HUS1: variants seen among roughly 807,000 people sequenced by gnomAD.
HUS1 encodes the protein HUS1 checkpoint clamp component, also known as checkpoint protein HUS1.
HUS1 carries 31 observed loss-of-function variants against 32.6 expected under a neutral mutation model. The ratio of observed to expected loss-of-function variants is 0.95; its 90% CI spans 0.72 to 1.28. The LOEUF (loss-of-function observed/expected upper bound fraction) is 1.28. Ranked by LOEUF, HUS1 falls within the 50% of genes most tolerant of loss-of-function variation. The pLI, the probability that HUS1 is intolerant of heterozygous loss-of-function variation, is 0.00. For synonymous variants in HUS1, 123 were observed against 116.6 expected, an observed-to-expected ratio of 1.06 and a Z score of -0.36; for missense variants, 340 against 337.7, an observed-to-expected ratio of 1.01 and a Z score of -0.05.
In HUS1 at chr7:47,978,763, G is replaced by A. The variant is rs773958274; in HGVS notation, c.106C>T (p.Pro36Ser). The A allele has an allele frequency of 1.1e-5, 17 of 1,614,100 alleles. No homozygotes were observed. The highest frequency in any genetic ancestry group is 1.3e-5 in the Non-Finnish European group (15 of 1,180,036). Reference protein sequence around the residue: ...LAKTCTLRISPDKLNFILCDK... With the variant: ...LAKTCTLRISSDKLNFILCDK... Reference sequence around the variant, plus strand: ...CAAAGGATGAAGTTAAGCTTATCAGGGCTGATGCGGAGGGTGCAGGTTTTG... The same window carrying A: ...CAAAGGATGAAGTTAAGCTTATCAGAGCTGATGCGGAGGGTGCAGGTTTTG... Residue 36 changes from proline to serine, a missense_variant, in exon 2 of 8, where the codon CCT becomes TCT. Coordinates refer to ENST00000258774, the MANE Select transcript of HUS1 (RefSeq NM_004507.4).
chr7:47,975,259 A>G lies in HUS1; in HGVS notation c.540+354T>C, dbSNP rs1041905186. 3.3e-5 allele frequency among the ~76,000 whole-genome samples: 5 copies of G among 150,304 alleles called. No individual in the cohort carries two copies. In the South Asian group the frequency reaches 6.4e-4, roughly 19 times the overall value. On this transcript the variant is annotated intron_variant, in intron 5 of 7. Coordinates refer to ENST00000258774, the MANE Select transcript of HUS1 (RefSeq NM_004507.4). ...CATGAACCCGGGAGGCGGAGCTTACAGTGAGGTGAGATGGCGCCATTGCAC... is the reference window on the plus strand; with the variant it reads ...CATGAACCCGGGAGGCGGAGCTTACGGTGAGGTGAGATGGCGCCATTGCAC...
chr7:47,973,891 C>A (rs1275401094), intron 5 of HUS1, among the ~76,000 whole-genome samples: 1 of 152,178 alleles, frequency 6.6e-6, no homozygotes, highest in Non-Finnish European at 1.5e-5. Context: ...CTTTTCTCTC[C>A]TGGGCCTCTC....
At chr7:47,968,726 C>T (rs1788531960) in intron 6 of HUS1, 1 of 154,008 alleles carries the variant, frequency 6.5e-6, no homozygotes. Context: ...CCTCTCTCCC[C>T]ACTTGCTGAA....
At chr7:47,968,377 C>T (rs1007153539) in intron 6 of HUS1, among the ~76,000 whole-genome samples, 2 of 152,170 alleles carry the variant, frequency 1.3e-5, no homozygotes, top group African/African-American at 4.8e-5. Context: ...GAATGAATCG[C>T]TTTACACAAT....
intron 5 of HUS1, among the ~76,000 whole-genome samples, 171 bp from the exon 6 acceptor site, chr7:47,969,489 A>T (rs1788551021): frequency 6.6e-6 from 1 of 152,216 alleles, no homozygotes; most frequent in Non-Finnish European, 1.5e-5. Context: ...GATAAGGCCC[A>T]AGAGCCAAGA....
At chr7:47,972,958 G>A (rs141443134) in intron 5 of HUS1, among the ~76,000 whole-genome samples, 1 of 152,330 alleles carries the variant, frequency 6.6e-6, no homozygotes, top group African/African-American at 2.4e-5. Flanking sequence ...CAAGTGCTGA[G>A]AAGGGGCCTG....
chr7:47,972,683 G>C (rs1435876416), intron 5 of HUS1, among the ~76,000 whole-genome samples: 1 of 114,108 alleles, frequency 8.8e-6, no homozygotes, highest in Non-Finnish European at 2.0e-5. Flanking sequence ...CCCTGTCATA[G>C]CTGCACTGTT....
At chr7:47,972,650 A>C (rs894729245) in intron 5 of HUS1, among the ~76,000 whole-genome samples, 1 of 124,184 alleles carries the variant, frequency 8.1e-6, no homozygotes, top group African/African-American at 2.8e-5. Flanking sequence ...AATTATCTCT[A>C]AATTTTTAAA....
At position 47,964,175 on chromosome 7, in the gene HUS1, T is replaced by G. The variant is rs1457477986; in HGVS notation, c.*1181A>C. 6.6e-6 allele frequency: 1 copy of G among 152,154 alleles called. No homozygotes were observed. Among genetic ancestry groups the G allele is most frequent in the Non-Finnish European group, 1.5e-5 (1 of 68,068 alleles). The allele number at this position is 152,154 out of a possible 1,614,324, so 9.4% of individuals were successfully genotyped here. On this transcript the variant is annotated 3_prime_UTR_variant, in exon 8 of 8. Transcript: ENST00000258774. ...GGGCGGGTGGCTTGAGCCCAGGAGT[T>G]CAAGACCAGCCTGGACAACACAGTG...
intron 3 of HUS1, among the ~76,000 whole-genome samples, chr7:47,977,069 T>A (rs1382096597): frequency 6.6e-6 from 1 of 152,100 alleles, no homozygotes; most frequent in Non-Finnish European, 1.5e-5. Context: ...AGGTCCTTAG[T>A]GTTCCAGTGG....
At chr7:47,974,099 GA>G (rs1184838059) in intron 5 of HUS1, among the ~76,000 whole-genome samples, 2 of 152,182 alleles carry the variant, frequency 1.3e-5, no homozygotes, top group East Asian at 3.8e-4. Flanking sequence ...TTAGTGTGCA[GA>G]ACTCTAGAAA....
intron 4 of HUS1, chr7:47,976,173 C>T (rs1273046478): frequency 5.7e-6 from 2 of 352,136 alleles, no homozygotes; most frequent in East Asian, 7.3e-5. Context: ...TTTTCAAAAT[C>T]AGTGTAGGTG....
intron 5 of HUS1, among the ~76,000 whole-genome samples, chr7:47,975,186 C>G (rs772126049): frequency 2.8e-4 from 42 of 151,804 alleles, no homozygotes; most frequent in Admixed American, 1.8e-3. Flanking sequence ...GGCATGGTGG[C>G]AGGCGCCTGT....
At chr7:47,968,022 T>C in intron 6 of HUS1, 97 bp from the exon 7 acceptor site, 3 of 1,301,480 alleles carry the variant, frequency 2.3e-6, no homozygotes, top group Non-Finnish European at 2.1e-6. Context: ...TGATTCACTT[T>C]AGCACTGATT....
chr7:47,976,070 A>T, intron 4 of HUS1: 1 of 323,484 alleles, frequency 3.1e-6, no homozygotes, highest in African/African-American at 2.2e-5. Context: ...CTATGATTCA[A>T]GGGCCTTTTC....
chr7:47,976,358 TCTC>T (rs1788703826), intron 4 of HUS1: 1 of 459,982 alleles, frequency 2.2e-6, no homozygotes, highest in Non-Finnish European at 4.4e-6. Flanking sequence ...ATGAAATTCT[TCTC>T]TTCTTGGCTT....
chr7:47,965,494 C>T (rs1788459319), intron 7 of HUS1, 56 bp from the exon 8 acceptor site: 4 of 1,297,676 alleles, frequency 3.1e-6, no homozygotes, highest in Non-Finnish European at 4.5e-6. Flanking sequence ...ACATTTTGAT[C>T]TCTACTTTTT....
At chr7:47,976,620 T>A in intron 4 of HUS1, 110 bp downstream of exon 4, 1 of 737,158 alleles carries the variant, frequency 1.4e-6, no homozygotes, top group South Asian at 1.5e-5. Flanking sequence ...AATGTTTTCG[T>A]TAAGTATCCT....
Position 47,964,670 on chromosome 7 carries a change from C to G in HUS1, c.*686G>C, listed in dbSNP as rs1188428574. On this transcript the variant is annotated 3_prime_UTR_variant, in exon 8 of 8. Transcript: ENST00000258774. ...GAAATATAAGGAATTACAACCTAAACCCAAAACTGGCCCCAGGAAGAAACT... is the reference window on the plus strand; with the variant it reads ...GAAATATAAGGAATTACAACCTAAAGCCAAAACTGGCCCCAGGAAGAAACT... 1.3e-5 allele frequency: 2 copies of G among 152,216 alleles called. No individual in the cohort carries two copies. The highest frequency in any genetic ancestry group is 2.4e-5 in the African/African-American group (1 of 41,432). 9.4% of individuals were successfully genotyped at this position (152,216 alleles called of 1,614,324 possible).
Sources: allele counts gnomAD v4.1 joint callset (sites outside exome capture counted in the v4.1 genomes callset), GRCh38; gene constraint gnomAD v4.1.1; transcripts MANE v1.5; gene names NCBI Gene and HGNC (gene_info 2026-07-23, HGNC 2026-07-21).